The following OLFM3 variants were observed in gnomAD, a reference collection of about 807,000 sequenced individuals.
OLFM3 encodes the protein olfactomedin 3.
In OLFM3, 20 loss-of-function variants were observed where a neutral mutation model predicts 48.6. The observed-to-expected ratio is 0.41, with a 90% CI of 0.29 to 0.60. The LOEUF is 0.60. Among genes scored for constraint, OLFM3 ranks in the 20% least tolerant of loss-of-function variants. The probability of loss-of-function intolerance (pLI) is 0.28; values close to 1 mark genes in which losing one functional copy is unlikely to be tolerated. For missense variants in OLFM3, 437 were observed against 544.3 expected (o/e 0.80, Z 1.96); for synonymous variants, 222 against 198.1 (o/e 1.12, Z -1.01).
At chr1:101,971,269 T>C (rs1465470464) in intron 1 of OLFM3, among the ~76,000 whole-genome samples, 1 of 152,184 alleles carries the variant, frequency 6.6e-6, no homozygotes, top group Non-Finnish European at 1.5e-5. Flanking sequence ...TGATTATTGG[T>C]GCAGACACGG....
Position 101,867,906 on chromosome 1 carries a change from A to T in OLFM3, c.70-30881T>A, listed in dbSNP as rs145367703. On this transcript the variant is annotated intron_variant, in intron 1 of 5. Transcript: ENST00000370103. ...AATCATGGGGCAGTTCCTCTATGCCATTCTCATACTAGTAAGTTCTCACAA... is the reference window on the plus strand; with the variant it reads ...AATCATGGGGCAGTTCCTCTATGCCTTTCTCATACTAGTAAGTTCTCACAA... 5.3e-3 allele frequency among the ~76,000 whole-genome samples: 805 copies of T among 152,222 alleles called. 10 individuals are homozygous for T. Among genetic ancestry groups the T allele is most frequent in the African/African-American group, 0.018 (748 of 41,540 alleles).
intron 1 of OLFM3, among the ~76,000 whole-genome samples, chr1:101,865,523 A>G (rs997062026): frequency 2.6e-5 from 4 of 152,226 alleles, no homozygotes; most frequent in Admixed American, 2.6e-4. Context: ...AGTATGTGAC[A>G]TTACTCCACA....
chr1:101,979,096 G>A (rs1661035037), intron 1 of OLFM3, among the ~76,000 whole-genome samples: 1 of 152,096 alleles, frequency 6.6e-6, no homozygotes, highest in Admixed American at 6.6e-5. Context: ...GTCTTGTGGG[G>A]GGGCATGCAG....
chr1:101,934,338 G>A (rs1659546363), intron 1 of OLFM3, among the ~76,000 whole-genome samples: 3 of 152,122 alleles, frequency 2.0e-5, no homozygotes, highest in Non-Finnish European at 4.4e-5. Flanking sequence ...CCTCAGAATA[G>A]TCTTTAAACC....
chr1:101,983,375 C>G (rs979494936), intron 1 of OLFM3, among the ~76,000 whole-genome samples: 1 of 152,224 alleles, frequency 6.6e-6, no homozygotes, highest in African/African-American at 2.4e-5. Flanking sequence ...AGGTCCCCCA[C>G]TCTCAACCCT....
At chr1:101,884,530 A>G (rs12139929) in intron 1 of OLFM3, among the ~76,000 whole-genome samples, 41,424 of 151,890 alleles carry the variant, frequency 0.27, 5,850 homozygotes, top group East Asian at 0.34. Flanking sequence ...AAAATGCCAC[A>G]AGGGACATTT....
chr1:101,952,109 G>T (rs1660161197), intron 1 of OLFM3, among the ~76,000 whole-genome samples: 1 of 151,954 alleles, frequency 6.6e-6, no homozygotes, highest in African/African-American at 2.4e-5. Context: ...ACTGTACCCT[G>T]GCTTTGCTAT....
At chr1:101,898,084 A>T (rs1658264375) in intron 1 of OLFM3, among the ~76,000 whole-genome samples, 1 of 152,198 alleles carries the variant, frequency 6.6e-6, no homozygotes, top group Admixed American at 6.5e-5. Flanking sequence ...TAAAAGAAAT[A>T]ATTCACCCTT....
chr1:101,946,575 C>T (rs1421760340), intron 1 of OLFM3, among the ~76,000 whole-genome samples: 1 of 152,150 alleles, frequency 6.6e-6, no homozygotes, highest in African/African-American at 2.4e-5. Flanking sequence ...AAGTGGCAAT[C>T]TTTTACTCAA....
At chr1:101,940,227 A>G (rs1659745134) in intron 1 of OLFM3, among the ~76,000 whole-genome samples, 2 of 152,122 alleles carry the variant, frequency 1.3e-5, no homozygotes, top group Non-Finnish European at 2.9e-5. Flanking sequence ...AAAACTGATG[A>G]AAAAAAGTGG....
chr1:101,891,964 C>T (rs957213087), intron 1 of OLFM3, among the ~76,000 whole-genome samples: 2 of 151,998 alleles, frequency 1.3e-5, no homozygotes, highest in South Asian at 2.1e-4. Context: ...ATCTTAAATT[C>T]GTCTTTAGGT....
intron 4 of OLFM3, among the ~76,000 whole-genome samples, chr1:101,818,958 A>G (rs1654471599): frequency 6.6e-6 from 1 of 152,148 alleles, no homozygotes; most frequent in Non-Finnish European, 1.5e-5. Flanking sequence ...CAACTAGAAC[A>G]AGACATTGAT....
intron 1 of OLFM3, among the ~76,000 whole-genome samples, chr1:101,873,630 T>G (rs1198710203): frequency 2.0e-5 from 3 of 151,794 alleles, no homozygotes; most frequent in Non-Finnish European, 4.4e-5. Context: ...GTTTAATTTT[T>G]TTTTTATTTA....
chr1:101,994,044 A>G (rs1661489784), intron 1 of OLFM3, among the ~76,000 whole-genome samples: 1 of 151,620 alleles, frequency 6.6e-6, no homozygotes, highest in African/African-American at 2.4e-5. Flanking sequence ...TAGAAAACCC[A>G]GTTGTCTTCA....
chr1:101,831,592 C>A (rs1310777061), intron 2 of OLFM3, among the ~76,000 whole-genome samples: 1 of 152,112 alleles, frequency 6.6e-6, no homozygotes, highest in African/African-American at 2.4e-5. Context: ...AAAGAGAAAG[C>A]ATCTAATAAC....
At chr1:101,961,971 C>T (rs1660479393) in intron 1 of OLFM3, among the ~76,000 whole-genome samples, 1 of 152,188 alleles carries the variant, frequency 6.6e-6, no homozygotes, top group Non-Finnish European at 1.5e-5. Context: ...GTTTCCTTTT[C>T]ATCTGTTAAC....
intron 1 of OLFM3, among the ~76,000 whole-genome samples, chr1:101,876,271 C>T (rs1657296966): frequency 6.6e-6 from 1 of 151,946 alleles, no homozygotes; most frequent in African/African-American, 2.4e-5. Context: ...GCAAACCATA[C>T]TAAAGGGAAT....
chr1:101,835,348 T>C (rs916409679), intron 2 of OLFM3, among the ~76,000 whole-genome samples: 1 of 152,240 alleles, frequency 6.6e-6, no homozygotes, highest in African/African-American at 2.4e-5. Context: ...TAATTCTTGC[T>C]CTGTCACCCA....
At chr1:101,994,573 T>G (rs974698233) in intron 1 of OLFM3, among the ~76,000 whole-genome samples, 1 of 148,702 alleles carries the variant, frequency 6.7e-6, no homozygotes, top group Admixed American at 6.7e-5. Flanking sequence ...TGTAATTTTT[T>G]GGGGGGGAGC....
Sources: allele counts gnomAD v4.1 joint callset (sites outside exome capture counted in the v4.1 genomes callset), GRCh38; gene constraint gnomAD v4.1.1; transcripts MANE v1.5; gene names NCBI Gene and HGNC (gene_info 2026-07-23, HGNC 2026-07-21).